MMP26: variants seen among roughly 807,000 people sequenced by gnomAD.
MMP26 encodes matrix metallopeptidase 26, also known as matrix metalloproteinase-26.
Under a neutral mutation model 31.0 loss-of-function variants are expected in MMP26, and 33 were observed. The ratio of observed to expected loss-of-function variants is 1.06; its 90% CI spans 0.81 to 1.42. The LOEUF (loss-of-function observed/expected upper bound fraction) is 1.42. Ranked by LOEUF, MMP26 falls within the 40% of genes most tolerant of loss-of-function variation. The pLI is 0.00. For synonymous variants in MMP26, 122 were observed against 114.9 expected (o/e 1.06, Z -0.40); for missense variants, 347 against 316.1 (o/e 1.10, Z -0.74).
intron 2 of MMP26, chr11:4,769,240 A>G (rs1368937301): frequency 6.2e-7 from 1 of 1,613,704 alleles, no homozygotes; most frequent in East Asian, 2.2e-5. Context: ...TTCTGAGGAC[A>G]GAGTGAATAA....
At chr11:4,864,855 T>A (rs544524695) in intron 2 of MMP26, among the ~76,000 whole-genome samples, 6 of 152,246 alleles carry the variant, frequency 3.9e-5, no homozygotes, top group Admixed American at 2.0e-4. Flanking sequence ...TAATTTCCTA[T>A]TATCGGGAGC....
intron 2 of MMP26, among the ~76,000 whole-genome samples, chr11:4,926,950 T>C (rs12277863): frequency 0.024 from 3,646 of 152,276 alleles, 157 homozygotes; most frequent in African/African-American, 0.083. Flanking sequence ...GAATAGTTTT[T>C]AGTGCAGCTA....
chr11:4,711,357 T>C (rs923471405), intron 1 of MMP26: 10 of 152,228 alleles, frequency 6.6e-5, no homozygotes, highest in Non-Finnish European at 1.2e-4. Context: ...AAAGTATAAA[T>C]AGACATATCC....
intron 1 of MMP26, among the ~76,000 whole-genome samples, chr11:4,760,532 A>G (rs1290401951): frequency 6.6e-6 from 1 of 152,240 alleles, no homozygotes; most frequent in Admixed American, 6.5e-5. Flanking sequence ...CTCACAAAGA[A>G]GAAAAATTAA....
In MMP26 at chr11:4,907,733, C is replaced by T. The variant is rs369047873; in HGVS notation, c.-144-80335C>T. 3.0e-5 allele frequency: 48 copies of T among 1,613,794 alleles called. No individual in the cohort carries two copies. The highest frequency in any genetic ancestry group is 2.3e-4 in the South Asian group (21 of 91,072). ...AGTACTTCTAATTATGTCTTTGGAC[C>T]GCTTTCTTGCCATTCACAATCCCTT... On this transcript the variant is annotated intron_variant, in intron 2 of 7. Coordinates refer to ENST00000380390, the MANE Select transcript of MMP26 (RefSeq NM_021801.5).
At chr11:4,744,644 C>T (rs978625392) in intron 1 of MMP26, among the ~76,000 whole-genome samples, 2 of 152,150 alleles carry the variant, frequency 1.3e-5, no homozygotes, top group Non-Finnish European at 2.9e-5. Context: ...CTTAAGGGAT[C>T]TTTCTGATAA....
chr11:4,775,139 A>G (rs537500151), intron 2 of MMP26, among the ~76,000 whole-genome samples: 1 of 152,146 alleles, frequency 6.6e-6, no homozygotes, highest in Non-Finnish European at 1.5e-5. Context: ...ATTAATTTTA[A>G]AATAGTTTTT....
In MMP26 at chr11:4,905,637, T is replaced by G. The variant is rs1850875226; in HGVS notation, c.-144-82431T>G. ...ATTGGCTCTACCTTCATCTTTTGTATTTTTGTTATTTTTAATTAAAATTAT... is the reference window on the plus strand; with the variant it reads ...ATTGGCTCTACCTTCATCTTTTGTAGTTTTGTTATTTTTAATTAAAATTAT... On this transcript the variant is annotated intron_variant, in intron 2 of 7. Transcript: ENST00000380390. 2.0e-5 allele frequency among the ~76,000 whole-genome samples: 3 copies of G among 152,094 alleles called. 1 individual carries two copies. Among genetic ancestry groups the G allele is most frequent in the African/African-American group, 7.2e-5 (3 of 41,448 alleles).
At chr11:4,835,571 T>A (rs548872224) in intron 2 of MMP26, among the ~76,000 whole-genome samples, 1 of 151,530 alleles carries the variant, frequency 6.6e-6, no homozygotes, top group Non-Finnish European at 1.5e-5. Flanking sequence ...CAGGAGAGAG[T>A]GGGAAAAAGG....
intron 2 of MMP26, among the ~76,000 whole-genome samples, chr11:4,892,852 A>G (rs959361953): frequency 6.6e-6 from 1 of 152,162 alleles, no homozygotes; most frequent in Non-Finnish European, 1.5e-5. Context: ...ATCTGTTCCA[A>G]TATGAATCTC....
At chr11:4,721,358 A>T (rs1470942507) in intron 1 of MMP26, among the ~76,000 whole-genome samples, 1 of 152,234 alleles carries the variant, frequency 6.6e-6, no homozygotes, top group Non-Finnish European at 1.5e-5. Flanking sequence ...TTCTGAAAGC[A>T]TGCTAGTTGA....
intron 1 of MMP26, among the ~76,000 whole-genome samples, chr11:4,706,683 A>G (rs1002030951): frequency 6.6e-6 from 1 of 152,098 alleles, no homozygotes; most frequent in African/African-American, 2.4e-5. Flanking sequence ...ATTGTTAACT[A>G]TAAGTAAAAT....
intron 2 of MMP26, chr11:4,848,826 A>T: frequency 2.5e-6 from 4 of 1,614,204 alleles, no homozygotes; most frequent in Non-Finnish European, 3.4e-6. Context: ...TGCCCGATCA[A>T]TGGACATGGC....
chr11:4,970,889 C>T (rs888322457), intron 2 of MMP26, among the ~76,000 whole-genome samples: 1 of 152,128 alleles, frequency 6.6e-6, no homozygotes, highest in African/African-American at 2.4e-5. Context: ...GCTGGTGCCA[C>T]CCTGCTTTCA....
intron 2 of MMP26, among the ~76,000 whole-genome samples, chr11:4,799,824 C>T (rs1849157501): frequency 1.3e-5 from 2 of 152,188 alleles, no homozygotes; most frequent in South Asian, 4.1e-4. Context: ...GGCAATAAGT[C>T]CCACACAATT....
chr11:4,726,951 G>A (rs1484218318), intron 1 of MMP26, among the ~76,000 whole-genome samples: 1 of 152,142 alleles, frequency 6.6e-6, no homozygotes, highest in Non-Finnish European at 1.5e-5. Flanking sequence ...AGGAATTTGA[G>A]GTTGCCGTGA....
At chr11:4,748,993 A>G (rs1242282646) in intron 1 of MMP26, among the ~76,000 whole-genome samples, 2 of 152,128 alleles carry the variant, frequency 1.3e-5, no homozygotes, top group Non-Finnish European at 2.9e-5. Flanking sequence ...GGAAAAGAGG[A>G]AATCAAATTA....
rs113113206 is a variant in MMP26, at chr11:4,954,435, C to G, written c.-144-33633C>G. ...AATTTGGGTCTAGCAGTAAAAGAAC[C>G]TGGTATAGAGAGACTGAATGTAGAT... On this transcript the variant is annotated intron_variant, in intron 2 of 7. Transcript: ENST00000380390. Among the ~76,000 whole-genome samples, 4 of 124,750 alleles carry G rather than the reference C, an allele frequency of 3.2e-5. 1 individual carries two copies. The highest frequency in any genetic ancestry group is 7.2e-5 in the Non-Finnish European group (4 of 55,220). The allele number at this position is 124,750 out of a possible 152,430, so 81.8% of individuals were successfully genotyped here. A position where few individuals can be genotyped will look rare whatever the true frequency, so the allele number is the denominator to read the frequency against.
chr11:4,845,018 A>G (rs1330978921), intron 2 of MMP26, among the ~76,000 whole-genome samples: 4 of 152,180 alleles, frequency 2.6e-5, no homozygotes, highest in Non-Finnish European at 4.4e-5. Flanking sequence ...CTTTACCAAA[A>G]CAATTATTAG....
Sources: allele counts gnomAD v4.1 joint callset (sites outside exome capture counted in the v4.1 genomes callset), GRCh38; gene constraint gnomAD v4.1.1; transcripts MANE v1.5; gene names NCBI Gene and HGNC (gene_info 2026-07-23, HGNC 2026-07-21).